MEIS2: variants seen among roughly 807,000 people sequenced by gnomAD.
The protein encoded by MEIS2 is homeobox protein Meis2.
In MEIS2, 9 loss-of-function variants were observed where a neutral mutation model predicts 58.6. That is an observed-to-expected ratio of 0.15 (90% CI 0.09 to 0.27). The LOEUF (loss-of-function observed/expected upper bound fraction) is 0.27, where lower values mean the gene tolerates loss of function less well. MEIS2 is among the 10% of genes least tolerant of loss of function. The pLI, the probability that MEIS2 is intolerant of heterozygous loss-of-function variation, is 1.00. For missense variants in MEIS2, 427 were observed against 635.0 expected, an observed-to-expected ratio of 0.67 and a Z score of 3.52; for synonymous variants, 221 against 228.4, an observed-to-expected ratio of 0.97 and a Z score of 0.29.
chr15:37,092,549 C>T (rs1286886428), intron 6 of MEIS2, among the ~76,000 whole-genome samples: 1 of 151,916 alleles, frequency 6.6e-6, no homozygotes, highest in Admixed American at 6.6e-5. Context: ...TCTATAGACA[C>T]CCTGTCCCCC....
At chr15:36,950,944 A>G (rs575085018) in intron 8 of MEIS2, among the ~76,000 whole-genome samples, 1 of 152,150 alleles carries the variant, frequency 6.6e-6, no homozygotes, top group Non-Finnish European at 1.5e-5. Flanking sequence ...GTTTACTTAC[A>G]GTATATTTAT....
intron 9 of MEIS2, among the ~76,000 whole-genome samples, chr15:36,912,839 A>AG: frequency 6.6e-6 from 1 of 151,544 alleles, no homozygotes; most frequent in Non-Finnish European, 1.5e-5. Flanking sequence ...CTGAAAAAAA[A>AG]AAAAAAAAGA....
intron 8 of MEIS2, among the ~76,000 whole-genome samples, chr15:36,965,160 A>T (rs2059314011): frequency 6.6e-6 from 1 of 152,184 alleles, no homozygotes; most frequent in Admixed American, 6.5e-5. Context: ...TCCTAGGAAT[A>T]ATTATTTGTC....
At chr15:36,919,306 C>T (rs192080281) in intron 9 of MEIS2, among the ~76,000 whole-genome samples, 63 of 152,244 alleles carry the variant, frequency 4.1e-4, no homozygotes, top group African/African-American at 1.3e-3. Flanking sequence ...GGGACAGGCA[C>T]GGTGGGTCAC....
At chr15:36,909,292 T>C (rs1380762751) in intron 9 of MEIS2, among the ~76,000 whole-genome samples, 2 of 152,098 alleles carry the variant, frequency 1.3e-5, no homozygotes, top group African/African-American at 4.8e-5. Flanking sequence ...CTCGTCTGAC[T>C]TTCCTACTAG....
At chr15:36,949,520 G>A (rs972951751) in intron 9 of MEIS2, among the ~76,000 whole-genome samples, 1 of 151,986 alleles carries the variant, frequency 6.6e-6, no homozygotes, top group Non-Finnish European at 1.5e-5. Flanking sequence ...ATAAAATGGA[G>A]TTCCATGTAA....
intron 6 of MEIS2, among the ~76,000 whole-genome samples, 198 bp from the exon 7 acceptor site, chr15:37,084,083 G>A (rs1017650971): frequency 6.6e-6 from 1 of 152,282 alleles, no homozygotes; most frequent in African/African-American, 2.4e-5. Flanking sequence ...TCTAGAACTT[G>A]ATGTGGTGAT....
At chr15:37,061,096 C>A (rs1279477091) in intron 7 of MEIS2, among the ~76,000 whole-genome samples, 1 of 152,148 alleles carries the variant, frequency 6.6e-6, no homozygotes, top group Non-Finnish European at 1.5e-5. Flanking sequence ...GGTGCGGCTA[C>A]CCAAGGCTGC....
intron 7 of MEIS2, among the ~76,000 whole-genome samples, chr15:37,078,850 T>C (rs979767618): frequency 6.6e-6 from 1 of 152,036 alleles, no homozygotes; most frequent in Non-Finnish European, 1.5e-5. Context: ...GACATCCCTT[T>C]ACATGACTCA....
At chr15:37,077,271 T>C (rs1891541845) in intron 7 of MEIS2, among the ~76,000 whole-genome samples, 1 of 152,086 alleles carries the variant, frequency 6.6e-6, no homozygotes. Flanking sequence ...GGAGGACTCT[T>C]CTGAATGGCA....
chr15:37,080,883 A>G (rs1457864496), intron 7 of MEIS2, among the ~76,000 whole-genome samples: 1 of 152,172 alleles, frequency 6.6e-6, no homozygotes, highest in Non-Finnish European at 1.5e-5. Flanking sequence ...TTCTTAAGAT[A>G]TTTTAAAAAT....
rs1892541679 is a variant in MEIS2, at chr15:37,083,763, C to T, written c.754+8G>A. The stretch of plus-strand genomic sequence containing the variant: ...TACTTTGCACGAGGAAAATGTTTGA[C>T]CTTTTACCTTGCTCACTGCTGTTGT... On this transcript the variant is annotated splice_region_variant and intron_variant, in intron 7 of 11. Coordinates refer to ENST00000561208, the MANE Select transcript of MEIS2 (RefSeq NM_170675.5). 1.2e-6 allele frequency: 2 copies of T among 1,610,702 alleles called. No homozygotes were observed. Among genetic ancestry groups the T allele is most frequent in the Non-Finnish European group, 1.7e-6 (2 of 1,178,142 alleles).
At chr15:36,981,948 C>A (rs900005318) in intron 8 of MEIS2, among the ~76,000 whole-genome samples, 1 of 152,064 alleles carries the variant, frequency 6.6e-6, no homozygotes, top group Non-Finnish European at 1.5e-5. Flanking sequence ...TCCCCCAAAA[C>A]CCCCAAGTTC....
chr15:36,912,502 C>T (rs927068205), intron 9 of MEIS2, among the ~76,000 whole-genome samples: 10 of 152,116 alleles, frequency 6.6e-5, no homozygotes, highest in African/African-American at 2.4e-4. Flanking sequence ...TAAAATCAAA[C>T]AAACAAAGCA....
chr15:36,909,575 C>T (rs2056904428), intron 9 of MEIS2, among the ~76,000 whole-genome samples: 1 of 152,110 alleles, frequency 6.6e-6, no homozygotes, highest in South Asian at 2.1e-4. Flanking sequence ...ATAACTCAGG[C>T]TTTCTGGCAC....
At chr15:37,040,108 A>C (rs2062357213) in intron 7 of MEIS2, among the ~76,000 whole-genome samples, 1 of 151,092 alleles carries the variant, frequency 6.6e-6, no homozygotes, top group African/African-American at 2.4e-5. Flanking sequence ...TTGTGTGTAT[A>C]AGATAGTTGG....
At chr15:37,025,693 C>T (rs963615183) in intron 8 of MEIS2, among the ~76,000 whole-genome samples, 1 of 147,490 alleles carries the variant, frequency 6.8e-6, no homozygotes, top group South Asian at 2.1e-4. Context: ...CATGGACAAA[C>T]GGGTACAAGT....
At chr15:37,094,801 G>T (rs931509096) in intron 4 of MEIS2, among the ~76,000 whole-genome samples, 1 of 152,054 alleles carries the variant, frequency 6.6e-6, no homozygotes, top group African/African-American at 2.4e-5. Flanking sequence ...CTCAACCTGA[G>T]CATAAGCATT....
chr15:36,908,012 T>C lies in MEIS2; in HGVS notation c.978-11326A>G, dbSNP rs183855564. On this transcript the variant is annotated intron_variant, in intron 9 of 11. Coordinates refer to ENST00000561208, the MANE Select transcript of MEIS2 (RefSeq NM_170675.5). ...TAACAGCTACGCATCTAACAATAGC[T>C]TTAAAAATTATTATGAAAACATATT... Among the ~76,000 whole-genome samples the C allele has an allele frequency of 2.8e-3, 423 of 152,240 alleles. 1 individual carries two copies. Among genetic ancestry groups the C allele is most frequent in the Non-Finnish European group, 4.3e-3 (293 of 68,026 alleles).
Sources: allele counts gnomAD v4.1 joint callset (sites outside exome capture counted in the v4.1 genomes callset), GRCh38; gene constraint gnomAD v4.1.1; transcripts MANE v1.5; gene names NCBI Gene and HGNC (gene_info 2026-07-23, HGNC 2026-07-21).